The following DACH2 variants were observed in gnomAD, a reference collection of about 807,000 sequenced individuals.
The protein encoded by DACH2 is dachshund homolog 2.
Under a neutral mutation model 35.8 loss-of-function variants are expected in DACH2, and 17 were observed. The observed-to-expected ratio is 0.48, with a 90% CI of 0.33 to 0.71. The LOEUF (loss-of-function observed/expected upper bound fraction) is 0.71. DACH2 is among the 30% of genes least tolerant of loss of function. The probability of loss-of-function intolerance (pLI) is 0.02; values close to 1 mark genes in which losing one functional copy is unlikely to be tolerated. For missense variants in DACH2, 469 were observed against 472.7 expected (o/e 0.99, Z 0.07); for synonymous variants, 195 against 177.3 (o/e 1.10, Z -0.79).
At chrX:86,682,397 GTTTCAGT>G (rs1349614325) in intron 4 of DACH2, among the ~76,000 whole-genome samples, 1 of 111,476 alleles carries the variant, frequency 9.0e-6, no homozygotes, top group African/African-American at 3.3e-5. Flanking sequence ...AGTCTTTTGA[GTTTCAGT>G]TTTCTCTATA....
At chrX:86,590,391 A>G (rs1482422738) in intron 3 of DACH2, among the ~76,000 whole-genome samples, 1 of 111,862 alleles carries the variant, frequency 8.9e-6, no homozygotes, top group African/African-American at 3.2e-5. Context: ...TCCTGGCCCC[A>G]TCATCACAAA....
intron 2 of DACH2, among the ~76,000 whole-genome samples, chrX:86,500,288 C>T (rs1331475104): frequency 9.0e-6 from 1 of 111,415 alleles, no homozygotes; most frequent in East Asian, 2.8e-4. Context: ...GATGTAAACC[C>T]TAACCTTAAT....
intron 1 of DACH2, among the ~76,000 whole-genome samples, chrX:86,225,480 T>C (rs2147927723): frequency 9.0e-6 from 1 of 111,358 alleles, no homozygotes; most frequent in East Asian, 2.8e-4. Context: ...GCATAAAGTG[T>C]CTCAAAATGT....
intron 7 of DACH2, among the ~76,000 whole-genome samples, chrX:86,774,510 G>A (rs1174696975): frequency 1.8e-5 from 2 of 111,938 alleles, no homozygotes; most frequent in African/African-American, 6.5e-5. Context: ...AACACTTACA[G>A]CTGTTTGAAG....
intron 1 of DACH2, among the ~76,000 whole-genome samples, chrX:86,209,103 G>T (rs1186433656): frequency 9.0e-6 from 1 of 111,724 alleles, no homozygotes; most frequent in African/African-American, 3.3e-5. Flanking sequence ...TTGCATCACA[G>T]TTTTCTCACC....
intron 1 of DACH2, among the ~76,000 whole-genome samples, chrX:86,293,739 T>C (rs1602368903): frequency 9.0e-6 from 1 of 111,674 alleles, no homozygotes; most frequent in East Asian, 2.8e-4. Context: ...TTTAAGAATG[T>C]TGAATATTGG....
Position 86,708,162 on chromosome X carries a change from TA to T in DACH2, c.932-6381del, listed in dbSNP as rs765611677. On this transcript the variant is annotated intron_variant, in intron 5 of 11. Coordinates refer to ENST00000373125, the MANE Select transcript of DACH2 (RefSeq NM_053281.3). ...GCCTCAACTTGTTAAAGAACATCTA[TA>T]AAAACCTACTGCTGACATCTTACTC... 4.9e-3 allele frequency among the ~76,000 whole-genome samples: 538 copies of T among 109,966 alleles called. 7 individuals carry two copies. Among genetic ancestry groups the T allele is most frequent in the African/African-American group, 0.017 (511 of 30,221 alleles).
At chrX:86,819,755 C>G (rs2042490791) in intron 11 of DACH2, among the ~76,000 whole-genome samples, 1 of 111,325 alleles carries the variant, frequency 9.0e-6, no homozygotes, top group South Asian at 3.7e-4. Context: ...CCTAAAAACC[C>G]TCTCAGTTTC....
intron 2 of DACH2, among the ~76,000 whole-genome samples, chrX:86,456,732 T>C (rs959112382): frequency 1.8e-5 from 2 of 111,486 alleles, no homozygotes; most frequent in Non-Finnish European, 3.8e-5. Context: ...ACTTCTTTAT[T>C]TTTTTGTTTG....
chrX:86,465,025 T>C (rs1158528183), intron 2 of DACH2, among the ~76,000 whole-genome samples: 1 of 112,355 alleles, frequency 8.9e-6, no homozygotes, highest in Non-Finnish European at 1.9e-5. Flanking sequence ...CATGACAGTG[T>C]TTTTTAACAG....
rs184639795 is a variant in DACH2, at chrX:86,400,884, G to C, written c.527+24022G>C. 2.7e-5 allele frequency among the ~76,000 whole-genome samples: 3 copies of C among 112,283 alleles called. No individual in the cohort carries two copies. In the South Asian group the frequency reaches 1.1e-3, roughly 42 times the overall value. ...TGAGATCTCAAGCTGTGTGCTGGCA[G>C]AAGCACTACTCTCTTCAAAGCTGTC... is the stretch of plus-strand genomic sequence containing the variant. On this transcript the variant is annotated intron_variant, in intron 2 of 11. Transcript: ENST00000373125.
intron 6 of DACH2, among the ~76,000 whole-genome samples, chrX:86,721,369 G>T (rs974603922): frequency 8.9e-6 from 1 of 111,800 alleles, no homozygotes; most frequent in African/African-American, 3.3e-5. Flanking sequence ...TCTCTCTCAA[G>T]GTCAAAGTTC....
intron 11 of DACH2, chrX:86,828,698 G>A (rs1044016045): frequency 9.0e-6 from 1 of 111,052 alleles, no homozygotes; most frequent in South Asian, 3.8e-4. Flanking sequence ...GGAACATTTG[G>A]CTTGAATTGC....
intron 3 of DACH2, among the ~76,000 whole-genome samples, chrX:86,598,027 A>G (rs1242339021): frequency 9.0e-6 from 1 of 111,300 alleles, no homozygotes; most frequent in Non-Finnish European, 1.9e-5. Flanking sequence ...AGCCTGTGCA[A>G]GGAAGCTCTC....
chrX:86,402,645 C>T (rs2036454394), intron 2 of DACH2, among the ~76,000 whole-genome samples: 1 of 111,688 alleles, frequency 9.0e-6, no homozygotes, highest in South Asian at 3.7e-4. Flanking sequence ...TATCAAGCTA[C>T]CAACATCATT....
chrX:86,160,053 CA>C lies in DACH2; in HGVS notation c.488+10953del, dbSNP rs975852156. 3.0e-5 allele frequency among the ~76,000 whole-genome samples: 3 copies of C among 100,944 alleles called. No individual in the cohort carries two copies. The East Asian group carries it at 8.9e-4, about 30-fold the overall frequency. The allele number at this position is 100,944 out of a possible 115,157, so 87.7% of individuals were successfully genotyped here. On this transcript the variant is annotated intron_variant, in intron 1 of 11. Transcript: ENST00000373125. ...AAACTGCCACATGTAAAAAAAAAAA[CA>C]AAAAAAACAAAGTGTTCCACAAAAC...
chrX:86,493,913 A>T (rs1479126099), intron 2 of DACH2, among the ~76,000 whole-genome samples: 4 of 112,039 alleles, frequency 3.6e-5, no homozygotes, highest in African/African-American at 1.3e-4. Context: ...CTAGAATGAG[A>T]GTAGGATAGA....
intron 4 of DACH2, among the ~76,000 whole-genome samples, chrX:86,656,161 A>G (rs1459295628): frequency 9.0e-6 from 1 of 110,624 alleles, no homozygotes; most frequent in Non-Finnish European, 1.9e-5. Context: ...AGTGATTCTC[A>G]GAGACCTCAG....
intron 1 of DACH2, among the ~76,000 whole-genome samples, chrX:86,277,893 T>TA (rs35817517): frequency 9.2e-5 from 10 of 109,106 alleles, no homozygotes; most frequent in African/African-American, 2.0e-4. Context: ...TGAGCAAAAA[T>TA]AAAAAAAAAT....
Sources: allele counts gnomAD v4.1 joint callset (sites outside exome capture counted in the v4.1 genomes callset), GRCh38; gene constraint gnomAD v4.1.1; transcripts MANE v1.5; gene names NCBI Gene and HGNC (gene_info 2026-07-23, HGNC 2026-07-21).